PPP2R2B: variants seen among roughly 807,000 people sequenced by gnomAD.
PPP2R2B encodes protein phosphatase 2 regulatory subunit Bbeta.
Under a neutral mutation model 46.0 loss-of-function variants are expected in PPP2R2B, and 5 were observed. That is an observed-to-expected ratio of 0.11 (90% CI 0.06 to 0.23). The LOEUF (loss-of-function observed/expected upper bound fraction) is 0.23, where lower values mean the gene tolerates loss of function less well. PPP2R2B is among the 10% of genes least tolerant of loss of function. The pLI is 1.00. For synonymous variants in PPP2R2B, 215 were observed against 206.7 expected, an observed-to-expected ratio of 1.04 and a Z score of -0.34; for missense variants, 367 against 575.0, an observed-to-expected ratio of 0.64 and a Z score of 3.70.
rs112685369 is a variant in PPP2R2B at position 146,902,099 on chromosome 5, C to T, written c.79+153566G>A. 7.5e-3 allele frequency among the ~76,000 whole-genome samples: 1,137 copies of T among 152,246 alleles called. 20 individuals are homozygous for T. The highest frequency in any genetic ancestry group is 0.026 in the African/African-American group (1,086 of 41,544). ...GCATGTTTGACTTACCTAAAGACCT[C>T]ACCATGTGCACACTCCACTGGCATC... On this transcript the variant is annotated intron_variant, in intron 1 of 8. Transcript: ENST00000336640.
chr5:147,015,731 A>G (rs1754976776), intron 1 of PPP2R2B, among the ~76,000 whole-genome samples: 1 of 150,186 alleles, frequency 6.7e-6, no homozygotes, highest in Admixed American at 6.7e-5. Flanking sequence ...TAAGAATGCT[A>G]ATATAGTTAA....
rs148155551 is a variant in PPP2R2B, at chr5:146,653,868, C to T, written c.448-3144G>A. Reference sequence around the variant, plus strand: ...ACAGGGGGGATGGAGAGCTGAATGCCGCTCGTGGTATTCCAACATCAGTCC... The same window carrying T: ...ACAGGGGGGATGGAGAGCTGAATGCTGCTCGTGGTATTCCAACATCAGTCC... On this transcript the variant is annotated intron_variant, in intron 5 of 9. Transcript: ENST00000394411. Among the ~76,000 whole-genome samples the T allele has an allele frequency of 1.8e-3, 272 of 152,126 alleles. 3 individuals carry two copies. Among genetic ancestry groups the T allele is most frequent in the African/African-American group, 6.1e-3 (253 of 41,502 alleles).
At chr5:146,972,978 A>C (rs1216201985) in intron 1 of PPP2R2B, among the ~76,000 whole-genome samples, 1 of 152,164 alleles carries the variant, frequency 6.6e-6, no homozygotes, top group African/African-American at 2.4e-5. Context: ...TAGATTTTAA[A>C]AATTTTATGT....
At chr5:146,885,098 T>C (rs141048425) in intron 1 of PPP2R2B, among the ~76,000 whole-genome samples, 1 of 152,336 alleles carries the variant, frequency 6.6e-6, no homozygotes, top group African/African-American at 2.4e-5. Context: ...GATTCATTTA[T>C]ATAGTAATTA....
At chr5:147,001,402 C>A (rs1469382084) in intron 1 of PPP2R2B, among the ~76,000 whole-genome samples, 1 of 152,076 alleles carries the variant, frequency 6.6e-6, no homozygotes, top group Non-Finnish European at 1.5e-5. Context: ...CAACTCCAGA[C>A]ACGCCATCTT....
At chr5:146,978,856 C>CT (rs2151853459) in intron 1 of PPP2R2B, among the ~76,000 whole-genome samples, 1 of 152,244 alleles carries the variant, frequency 6.6e-6, no homozygotes, top group African/African-American at 2.4e-5. Flanking sequence ...TATATGGACT[C>CT]TTTTTTAGTT....
At chr5:146,870,201 G>A (rs1314467217) in intron 2 of PPP2R2B, among the ~76,000 whole-genome samples, 1 of 152,148 alleles carries the variant, frequency 6.6e-6, no homozygotes, top group Non-Finnish European at 1.5e-5. Flanking sequence ...GCTTGATGGA[G>A]GAGGTTTTCA....
chr5:146,898,917 A>G (rs1762734499), intron 1 of PPP2R2B, among the ~76,000 whole-genome samples: 1 of 139,586 alleles, frequency 7.2e-6, no homozygotes, highest in South Asian at 2.5e-4. Flanking sequence ...AATCAAAACC[A>G]CAATGAGATA....
chr5:147,019,514 T>A (rs568736304), intron 1 of PPP2R2B, among the ~76,000 whole-genome samples: 11 of 152,162 alleles, frequency 7.2e-5, no homozygotes, highest in Non-Finnish European at 1.6e-4. Context: ...ATGACCTGAA[T>A]GAAAGGATTG....
At chr5:146,984,900 C>T (rs1036658389) in intron 1 of PPP2R2B, among the ~76,000 whole-genome samples, 5 of 151,878 alleles carry the variant, frequency 3.3e-5, no homozygotes, top group East Asian at 1.9e-4. Flanking sequence ...TATTCAGGTC[C>T]CTTGCTCCTT....
intron 1 of PPP2R2B, among the ~76,000 whole-genome samples, chr5:147,019,595 G>GTTTT (rs111891679): frequency 2.0e-5 from 3 of 151,076 alleles, no homozygotes; most frequent in Admixed American, 6.6e-5. Context: ...GTTTTGTTTT[G>GTTTT]TTTTTTTTTA....
chr5:147,058,978 A>G (rs926429991), upstream of PPP2R2B, among the ~76,000 whole-genome samples: 1 of 152,188 alleles, frequency 6.6e-6, no homozygotes, highest in African/African-American at 2.4e-5. Flanking sequence ...CTTCCTTTAA[A>G]GTTTGAGAAC....
chr5:147,077,481 A>G (rs1205689764), intron 2 of PPP2R2B, among the ~76,000 whole-genome samples: 1 of 152,174 alleles, frequency 6.6e-6, no homozygotes, highest in Non-Finnish European at 1.5e-5. Context: ...GTAACATGGA[A>G]GGGAAAGCTG....
chr5:146,925,028 A>G (rs1304358628), intron 1 of PPP2R2B, among the ~76,000 whole-genome samples: 2 of 152,142 alleles, frequency 1.3e-5, no homozygotes, highest in Non-Finnish European at 2.9e-5. Context: ...AGAAAATACA[A>G]GAAGTTTGCT....
At chr5:146,810,299 G>A (rs1031348963) in intron 2 of PPP2R2B, among the ~76,000 whole-genome samples, 5 of 152,174 alleles carry the variant, frequency 3.3e-5, no homozygotes, top group South Asian at 2.1e-4. Context: ...TGAAAGTCAC[G>A]TCTCATATGG....
At chr5:146,831,532 G>A (rs1758941033) in intron 2 of PPP2R2B, among the ~76,000 whole-genome samples, 1 of 144,460 alleles carries the variant, frequency 6.9e-6, no homozygotes. Context: ...AAGCCTCTGG[G>A]TTGATAGGTA....
intron 1 of PPP2R2B, chr5:146,917,822 C>A (rs1763447802): frequency 6.6e-6 from 1 of 152,158 alleles, no homozygotes; most frequent in African/African-American, 2.4e-5. Flanking sequence ...GCTTTCCTCA[C>A]CTTTTACTGA....
intron 1 of PPP2R2B, among the ~76,000 whole-genome samples, chr5:146,885,876 G>T (rs1762303971): frequency 6.6e-6 from 1 of 152,128 alleles, no homozygotes. Flanking sequence ...AGACACAAAA[G>T]ATGACATATT....
At chr5:146,646,958 T>TA (rs1775621107) in intron 6 of PPP2R2B, among the ~76,000 whole-genome samples, 1 of 152,156 alleles carries the variant, frequency 6.6e-6, no homozygotes, top group Non-Finnish European at 1.5e-5. Context: ...AAGAACATGT[T>TA]AAAGCTTATA....
Sources: gnomAD v4.1 joint callset for allele counts (sites outside exome capture counted in the v4.1 genomes callset) on GRCh38, gnomAD v4.1.1 for gene constraint, MANE v1.5 for transcripts, NCBI Gene and HGNC (gene_info 2026-07-23, HGNC 2026-07-21) for gene names.